The following EAPP variants were observed in gnomAD, a reference collection of about 807,000 sequenced individuals.
EAPP encodes E2F-associated phosphoprotein.
A neutral mutation model predicts 34.3 loss-of-function variants in EAPP; 38 were observed. The observed-to-expected ratio is 1.11, with a 90% confidence interval of 0.85 to 1.45. The LOEUF is 1.45. EAPP is among the 40% of genes most tolerant of loss of function. The pLI, the probability that EAPP is intolerant of heterozygous loss-of-function variation, is 0.00. For synonymous variants in EAPP, 113 were observed against 117.6 expected, an observed-to-expected ratio of 0.96 and a Z score of 0.25; for missense variants, 338 against 343.7, an observed-to-expected ratio of 0.98 and a Z score of 0.13.
chr14:34,533,397 C>T (rs185950674), intron 3 of EAPP, 47 bp downstream of exon 3: 2 of 1,489,986 alleles, frequency 1.3e-6, no homozygotes, highest in African/African-American at 1.4e-5. Flanking sequence ...TTAGGTAAAC[C>T]TTTTTTATAA....
chr14:34,527,074 ACAGAAGAATCGC>A (rs971034072), intron 4 of EAPP, among the ~76,000 whole-genome samples: 3 of 150,978 alleles, frequency 2.0e-5, no homozygotes, highest in African/African-American at 7.3e-5. Context: ...GGAGGCTGAG[ACAGAAGAATCGC>A]TTGAACCTGG....
chr14:34,537,878 A>G (rs1335873665), intron 1 of EAPP, among the ~76,000 whole-genome samples: 3 of 152,212 alleles, frequency 2.0e-5, no homozygotes, highest in Non-Finnish European at 4.4e-5. Context: ...AACAGGCTAC[A>G]ATGTATTAGT....
chr14:34,539,483 G>T, intron 1 of EAPP, 72 bp downstream of exon 1: 1 of 1,507,166 alleles, frequency 6.6e-7, no homozygotes, highest in Non-Finnish European at 9.1e-7. Flanking sequence ...CTCGGCAGGC[G>T]CAACGAATGG....
At chr14:34,517,309 C>G (rs1398701144) in intron 5 of EAPP, among the ~76,000 whole-genome samples, 1 of 144,166 alleles carries the variant, frequency 6.9e-6, no homozygotes, top group Non-Finnish European at 1.5e-5. Flanking sequence ...AGTGCAATGG[C>G]GTGATCTCAG....
chr14:34,516,375 CA>C lies in EAPP; in HGVS notation c.792del (p.Glu265LysfsTer17). On this transcript the variant is annotated frameshift_variant, in exon 6 of 6. Transcript: ENST00000250454. LOFTEE classifies it high-confidence loss of function. ...TCATCCTTGTCGTAGACTGCCACTT[CA>C]GTGGAACATTCAGTGCACATGACTG... ...YHPVMCTECS[T>X]EVAVYDKDEV... The C allele has an allele frequency of 6.2e-7, 1 of 1,614,164 alleles. No individual in the cohort carries two copies. Among genetic ancestry groups the C allele is most frequent in the Non-Finnish European group, 8.5e-7 (1 of 1,180,028 alleles).
At position 34,539,571 on chromosome 14, in the gene EAPP, C is replaced by A; in HGVS notation, c.58G>T (p.Glu20Ter). ...PYAVEEPSDE[E>*]PALSSSEDEV... ...GGAGCCCACCTGCTCAAAGCCGGCT[C>A]CTCGTCGCTAGGCTCTTCAACCGCG... The change falls in exon 1 of 6, where the codon GAG (glutamate) becomes TAG (stop). Residue 20 changes from glutamate (E) to a stop codon, truncating the protein, a stop_gained. Coordinates refer to ENST00000250454, the MANE Select transcript of EAPP (RefSeq NM_018453.4). LOFTEE classifies it high-confidence loss of function. 1 of 1,605,056 alleles carries A rather than the reference C, an allele frequency of 6.2e-7. No individual in the cohort carries two copies. The highest frequency in any genetic ancestry group is 8.5e-7 in the Non-Finnish European group (1 of 1,176,874).
In EAPP at chr14:34,539,584, C is replaced by A; in HGVS notation, c.45G>T (p.Glu15Asp). The change falls in exon 1 of 6, where the codon GAG (glutamate) becomes GAT (aspartate). Residue 15 changes from glutamate (E) to aspartate (D), a missense_variant. Glu to Asp is a conservative substitution (Grantham distance 45). Transcript: ENST00000250454. Reference sequence around the variant, plus strand: ...TCAAAGCCGGCTCCTCGTCGCTAGGCTCTTCAACCGCGTAGGGGTCGTAGT... The same window carrying A: ...TCAAAGCCGGCTCCTCGTCGCTAGGATCTTCAACCGCGTAGGGGTCGTAGT... ...PDDYDPYAVE[E>D]PSDEEPALSS... 1 of 1,601,452 alleles carries A rather than the reference C, an allele frequency of 6.2e-7. No homozygotes were observed.
At chr14:34,527,697 G>A (rs1224301937) in intron 4 of EAPP, among the ~76,000 whole-genome samples, 2 of 152,136 alleles carry the variant, frequency 1.3e-5, no homozygotes, top group African/African-American at 2.4e-5. Flanking sequence ...AGTGAAAGAA[G>A]CCAGATATAA....
At chr14:34,539,534 C>T in intron 1 of EAPP, 21 bp downstream of exon 1, 2 of 1,603,744 alleles carry the variant, frequency 1.2e-6, no homozygotes, top group East Asian at 2.2e-5. Flanking sequence ...CCTCGGGGGC[C>T]AGGGTGGGGC....
intron 1 of EAPP, among the ~76,000 whole-genome samples, chr14:34,538,474 G>A (rs1880548915): frequency 6.6e-6 from 1 of 152,074 alleles, no homozygotes; most frequent in Non-Finnish European, 1.5e-5. Flanking sequence ...TTTTTCACAG[G>A]GAATCCTGGT....
rs561398784 is a variant in EAPP, at chr14:34,534,909, G to A, written c.256+1185C>T. 7.9e-5 allele frequency among the ~76,000 whole-genome samples: 12 copies of A among 151,322 alleles called. No individual in the cohort carries two copies. The East Asian group carries it at 2.3e-3, about 29-fold the overall frequency. ...GGCTGGAGTGCAATGGCACAATCTC[G>A]GCTCACTGCAACCTCTGCCTCCCGG... On this transcript the variant is annotated intron_variant, in intron 2 of 5. Transcript: ENST00000250454.
intron 4 of EAPP, among the ~76,000 whole-genome samples, chr14:34,527,111 G>A (rs1385100290): frequency 6.7e-6 from 1 of 149,236 alleles, no homozygotes; most frequent in South Asian, 2.1e-4. Flanking sequence ...AGGAGGTTGC[G>A]GTGAGCCAAG....
chr14:34,537,244 C>T (rs1023958697), intron 1 of EAPP, among the ~76,000 whole-genome samples: 1 of 152,192 alleles, frequency 6.6e-6, no homozygotes, highest in African/African-American at 2.4e-5. Flanking sequence ...CTCTTGAGCT[C>T]AAGTGATTCT....
intron 1 of EAPP, among the ~76,000 whole-genome samples, chr14:34,537,113 C>T (rs1211300466): frequency 6.6e-6 from 1 of 152,102 alleles, no homozygotes; most frequent in African/African-American, 2.4e-5. Context: ...CAGGCTCAAG[C>T]CAACCAACCG....
At chr14:34,524,174 A>G (rs1013864283) in intron 5 of EAPP, among the ~76,000 whole-genome samples, 23 of 152,078 alleles carry the variant, frequency 1.5e-4, no homozygotes, top group African/African-American at 2.4e-5. Flanking sequence ...AGTGGATCAC[A>G]AGGTCAGGAG....
At chr14:34,535,465 C>T (rs1253139885) in intron 2 of EAPP, among the ~76,000 whole-genome samples, 3 of 145,286 alleles carry the variant, frequency 2.1e-5, no homozygotes, top group African/African-American at 7.6e-5. Context: ...TGGAGTCTCG[C>T]TCTGTCGCTC....
chr14:34,536,186 G>T lies in EAPP; in HGVS notation c.164C>A (p.Ser55Ter). The T allele has an allele frequency of 6.2e-7, 1 of 1,612,896 alleles. No individual in the cohort carries two copies. The highest frequency in any genetic ancestry group is 8.5e-7 in the Non-Finnish European group (1 of 1,179,568). Reference sequence around the variant, plus strand: ...CTTTTCAAATTCATCTTCACTAGATGATTCACTTTCTCCGGTAAGACATTC... The same window carrying T: ...CTTTTCAAATTCATCTTCACTAGATTATTCACTTTCTCCGGTAAGACATTC... The part of the protein sequence containing the change: ...IRECLTGESE[S>*]SSEDEFEKEM... Residue 55 changes from serine (S) to a stop codon, truncating the protein, a stop_gained, in exon 2 of 6, where the codon TCA becomes TAA. Transcript: ENST00000250454. LOFTEE classifies it high-confidence loss of function.
intron 2 of EAPP, 118 bp from the exon 3 acceptor site, chr14:34,533,657 A>ATGGTGAAAT: frequency 1.6e-6 from 1 of 621,178 alleles, no homozygotes; most frequent in Non-Finnish European, 2.8e-6. Flanking sequence ...AACTCATTTG[A>ATGGTGAAAT]TGGTGAAATA....
chr14:34,539,697 T>G lies in EAPP; in HGVS notation c.-69A>C. 2.8e-6 allele frequency: 4 copies of G among 1,425,990 alleles called. No individual in the cohort carries two copies. In the South Asian group the frequency reaches 4.3e-5, roughly 15 times the overall value. The allele number at this position is 1,425,990 out of a possible 1,614,324, so 88.3% of individuals were successfully genotyped here. ...GTCTCTGTTTACACTGCAAGTCCAG[T>G]CCCTAAAGCGCCCCTGACGCCACTT... On this transcript the variant is annotated 5_prime_UTR_variant, in exon 1 of 6. Transcript: ENST00000250454.
Sources: gnomAD v4.1 joint callset for allele counts (sites outside exome capture counted in the v4.1 genomes callset) on GRCh38, gnomAD v4.1.1 for gene constraint, MANE v1.5 for transcripts, NCBI Gene and HGNC (gene_info 2026-07-23, HGNC 2026-07-21) for gene names.